LYPLAL1: variants seen among roughly 807,000 people sequenced by gnomAD.
LYPLAL1 encodes lysophospholipase-like protein 1.
In LYPLAL1, 23 loss-of-function variants were observed where a neutral mutation model predicts 19.7. The observed-to-expected ratio is 1.17, with a 90% confidence interval of 0.84 to 1.65. LYPLAL1 has a LOEUF of 1.65. LYPLAL1 is among the 40% of genes most tolerant of loss of function. LYPLAL1 has a pLI of 0.00. For synonymous variants in LYPLAL1, 119 were observed against 96.3 expected (o/e 1.24, Z -1.38); for missense variants, 355 against 279.4 (o/e 1.27, Z -1.93).
the LYPLAL1 span, among the ~76,000 whole-genome samples, chr1:219,299,284 G>A: frequency 4.0e-5 from 6 of 151,826 alleles, no homozygotes; most frequent in Non-Finnish European, 8.8e-5. Context: ...AGCCAATGTG[G>A]GACTCAACCT....
the LYPLAL1 span, among the ~76,000 whole-genome samples, chr1:219,406,648 T>G: frequency 2.0e-5 from 3 of 152,218 alleles, no homozygotes; most frequent in Non-Finnish European, 4.4e-5. Flanking sequence ...CAATTTGTGT[T>G]TGTTTGTTTA....
the LYPLAL1 span, among the ~76,000 whole-genome samples, chr1:219,262,910 T>G: frequency 6.6e-6 from 1 of 152,202 alleles, no homozygotes; most frequent in Non-Finnish European, 1.5e-5. Flanking sequence ...TTGTCTTTCC[T>G]TGGAGCAGGA....
chr1:219,426,580 C>T, the LYPLAL1 span, among the ~76,000 whole-genome samples: 1 of 152,008 alleles, frequency 6.6e-6, no homozygotes, highest in African/African-American at 2.4e-5. Context: ...ATAATTACCA[C>T]AGCAACCCAT....
At chr1:219,245,299 G>T in the LYPLAL1 span, among the ~76,000 whole-genome samples, 1 of 151,702 alleles carries the variant, frequency 6.6e-6, no homozygotes, top group Non-Finnish European at 1.5e-5. Flanking sequence ...AGAATTACAG[G>T]GTAAAAAGGG....
chr1:219,298,412 C>T, the LYPLAL1 span, among the ~76,000 whole-genome samples: 1 of 152,228 alleles, frequency 6.6e-6, no homozygotes, highest in Non-Finnish European at 1.5e-5. Flanking sequence ...TATGAAAACA[C>T]GACCACTAAA....
the LYPLAL1 span, among the ~76,000 whole-genome samples, chr1:219,266,591 T>C: frequency 1.3e-5 from 2 of 152,204 alleles, no homozygotes; most frequent in Non-Finnish European, 2.9e-5. Context: ...GTAACAGTCA[T>C]GTATTATCAT....
chr1:219,326,260 T>C, the LYPLAL1 span, among the ~76,000 whole-genome samples: 1 of 145,716 alleles, frequency 6.9e-6, no homozygotes, highest in African/African-American at 2.5e-5. Flanking sequence ...AACCTGAAAT[T>C]TCCATTTTGT....
chr1:219,411,134 G>T, the LYPLAL1 span, among the ~76,000 whole-genome samples: 1 of 121,934 alleles, frequency 8.2e-6, no homozygotes, highest in Non-Finnish European at 1.9e-5. Flanking sequence ...TGGGGACGTG[G>T]AGAGTCTTTA....
At chr1:219,294,981 C>T in the LYPLAL1 span, among the ~76,000 whole-genome samples, 1 of 152,034 alleles carries the variant, frequency 6.6e-6, no homozygotes, top group Non-Finnish European at 1.5e-5. Flanking sequence ...CTTCTTTCAG[C>T]CAATGGCAAT....
At chr1:219,287,385 A>G in the LYPLAL1 span, among the ~76,000 whole-genome samples, 2 of 152,222 alleles carry the variant, frequency 1.3e-5, no homozygotes, top group African/African-American at 4.8e-5. Flanking sequence ...GAAAAATCAT[A>G]TTTTCCTCAC....
At chr1:219,235,855 A>C in the LYPLAL1 span, among the ~76,000 whole-genome samples, 3 of 152,190 alleles carry the variant, frequency 2.0e-5, no homozygotes, top group Non-Finnish European at 4.4e-5. Context: ...GACCTTGTGA[A>C]GTTCCATTAT....
chr1:219,387,180 T>C, the LYPLAL1 span, among the ~76,000 whole-genome samples: 131,563 of 152,166 alleles, frequency 0.86, 57,135 homozygotes, highest in East Asian at 0.97. Context: ...TGCCTTGGGG[T>C]CTTCATTCAG....
At chr1:219,326,120 G>T in the LYPLAL1 span, among the ~76,000 whole-genome samples, 1 of 151,922 alleles carries the variant, frequency 6.6e-6, no homozygotes, top group Non-Finnish European at 1.5e-5. Context: ...CACCATGTTA[G>T]CCAGGCTGGT....
At chr1:219,277,401 C>T in the LYPLAL1 span, among the ~76,000 whole-genome samples, 1 of 152,056 alleles carries the variant, frequency 6.6e-6, no homozygotes, top group Non-Finnish European at 1.5e-5. Flanking sequence ...GAGCATAGAA[C>T]AGCCTGTGCC....
chr1:219,259,654 G>A, the LYPLAL1 span, among the ~76,000 whole-genome samples: 1 of 151,474 alleles, frequency 6.6e-6, no homozygotes, highest in African/African-American at 2.4e-5. Context: ...GGGTTGGAGA[G>A]AAGTGAGAGA....
the LYPLAL1 span, among the ~76,000 whole-genome samples, chr1:219,400,470 CCTATCTAT>C: frequency 1.3e-5 from 2 of 151,748 alleles, no homozygotes; most frequent in African/African-American, 2.4e-5. Context: ...AGCTGTGTGC[CCTATCTAT>C]CTATCTATCT....
intron 2 of LYPLAL1, among the ~76,000 whole-genome samples, chr1:219,186,078 C>T (rs1302291458): frequency 6.6e-6 from 1 of 151,726 alleles, no homozygotes; most frequent in Non-Finnish European, 1.5e-5. Flanking sequence ...ACCTAAATAA[C>T]CCATAAGTTC....
At chr1:219,230,413 A>G in the LYPLAL1 span, among the ~76,000 whole-genome samples, 2 of 152,186 alleles carry the variant, frequency 1.3e-5, no homozygotes, top group Non-Finnish European at 2.9e-5. Context: ...ACCCGGCCGT[A>G]GGTTTATCTT....
At chr1:219,426,618 A>G in the LYPLAL1 span, among the ~76,000 whole-genome samples, 1 of 150,666 alleles carries the variant, frequency 6.6e-6, no homozygotes, top group Admixed American at 6.6e-5. Flanking sequence ...TTTTTTCTTG[A>G]GACAGAGTCT....
Sources: gnomAD v4.1 joint callset for allele counts (sites outside exome capture counted in the v4.1 genomes callset) on GRCh38, gnomAD v4.1.1 for gene constraint, MANE v1.5 for transcripts, NCBI Gene and HGNC (gene_info 2026-07-23, HGNC 2026-07-21) for gene names.